The following KIF21A variants were observed in gnomAD, a reference collection of about 807,000 sequenced individuals.
The protein encoded by KIF21A is kinesin-like protein KIF21A.
A neutral mutation model predicts 202.9 loss-of-function variants in KIF21A; 114 were observed. The ratio of observed to expected loss-of-function variants is 0.56; its 90% CI spans 0.48 to 0.66. The LOEUF (loss-of-function observed/expected upper bound fraction) is 0.66. Among genes scored for constraint, KIF21A ranks in the 30% least tolerant of loss-of-function variants. KIF21A has a pLI of 0.00. For synonymous variants in KIF21A, 667 were observed against 670.8 expected, an observed-to-expected ratio of 0.99 and a Z score of 0.09; for missense variants, 1,677 against 1,994.9, an observed-to-expected ratio of 0.84 and a Z score of 3.04.
intron 1 of KIF21A, among the ~76,000 whole-genome samples, chr12:39,387,304 C>A (rs759684611): frequency 6.6e-6 from 1 of 151,884 alleles, no homozygotes; most frequent in Non-Finnish European, 1.5e-5. Flanking sequence ...GCTATCCAAC[C>A]CCAAGAAAAC....
chr12:39,404,167 A>G (rs1285839723), intron 1 of KIF21A, among the ~76,000 whole-genome samples: 1 of 152,092 alleles, frequency 6.6e-6, no homozygotes, highest in Non-Finnish European at 1.5e-5. Flanking sequence ...CTACTCTACT[A>G]CCTCCAAGTG....
intron 12 of KIF21A, among the ~76,000 whole-genome samples, chr12:39,344,010 C>T (rs1379924799): frequency 6.6e-6 from 1 of 151,954 alleles, no homozygotes; most frequent in Non-Finnish European, 1.5e-5. Flanking sequence ...GAAGAAAGTA[C>T]AAGTAGGAGT....
In KIF21A at chr12:39,421,740, T is replaced by TAC. The variant is rs1489262446; in HGVS notation, c.44+21186_44+21187insGT. On this transcript the variant is annotated intron_variant, in intron 1 of 37. Coordinates refer to ENST00000361418, the MANE Select transcript of KIF21A (RefSeq NM_001173464.2). ...TATATAATTTATATATATATATATA[T>TAC]ATACACATACACACATATATATTTA... 4.8e-3 allele frequency among the ~76,000 whole-genome samples: 647 copies of TAC among 133,436 alleles called. 4 individuals are homozygous for TAC. The highest frequency in any genetic ancestry group is 0.017 in the African/African-American group (607 of 36,730). The allele number at this position is 133,436 out of a possible 152,430, so 87.5% of individuals were successfully genotyped here.
At chr12:39,380,499 C>G (rs1337166665) in intron 1 of KIF21A, among the ~76,000 whole-genome samples, 1 of 152,154 alleles carries the variant, frequency 6.6e-6, no homozygotes, top group Non-Finnish European at 1.5e-5. Context: ...GTTGGTCAAT[C>G]GAATGACTTT....
rs1187546621 is a variant in KIF21A, at chr12:39,309,469, G to A, written c.4277+117C>T. 3 of 709,308 alleles carry A rather than the reference G, an allele frequency of 4.2e-6. No homozygotes were observed. In the East Asian group the frequency reaches 8.2e-5, roughly 19 times the overall value. 43.9% of individuals were successfully genotyped at this position (709,308 alleles called of 1,614,324 possible). A position where few individuals can be genotyped will look rare whatever the true frequency, so the allele number is the denominator to read the frequency against. On this transcript the variant is annotated intron_variant, in intron 33 of 37. Transcript: ENST00000361418. ...AACACTTTAATATCCTCTGGGAAGT[G>A]GACAGGTATACAAAAATTAAAATGC...
chr12:39,440,401 C>T (rs1939398134), intron 1 of KIF21A, among the ~76,000 whole-genome samples: 1 of 152,162 alleles, frequency 6.6e-6, no homozygotes, highest in African/African-American at 2.4e-5. Context: ...CTTAATCTTT[C>T]TGTGCCTCAT....
At chr12:39,411,014 T>C (rs765312946) in intron 1 of KIF21A, among the ~76,000 whole-genome samples, 5 of 152,140 alleles carry the variant, frequency 3.3e-5, no homozygotes, top group Admixed American at 2.0e-4. Flanking sequence ...CTGTAAAGTT[T>C]TTCCTTTTGC....
Position 39,318,217 on chromosome 12 carries a change from A to G in KIF21A, c.3780-16T>C. 1 of 1,611,814 alleles carries G rather than the reference A, an allele frequency of 6.2e-7. No homozygotes were observed. The highest frequency in any genetic ancestry group is 8.5e-7 in the Non-Finnish European group (1 of 1,178,266). On this transcript the variant is annotated splice_polypyrimidine_tract_variant and intron_variant, in intron 28 of 37. Transcript: ENST00000361418. ...AGAATCTGAGCTACAAGAAAAAAAG[A>G]ACATTAAGTAGGTGGCTTTAATTGG...
In KIF21A at chr12:39,370,326, A is replaced by C; in HGVS notation, c.45-65T>G. ...GGCAAAAAAAAACCTCTCAAAAAAT[A>C]GGACTTAAAAACTCTTGGCCAAATC... On this transcript the variant is annotated intron_variant, in intron 1 of 37. Coordinates refer to ENST00000361418, the MANE Select transcript of KIF21A (RefSeq NM_001173464.2). The C allele has an allele frequency of 3.2e-6, 4 of 1,257,454 alleles. 1 individual carries two copies. In the South Asian group the frequency reaches 5.0e-5, roughly 16 times the overall value. The allele number at this position is 1,257,454 out of a possible 1,614,324, so 77.9% of individuals were successfully genotyped here. A position where few individuals can be genotyped will look rare whatever the true frequency, so the allele number is the denominator to read the frequency against.
intron 7 of KIF21A, among the ~76,000 whole-genome samples, chr12:39,362,377 C>A (rs899085104): frequency 1.4e-4 from 21 of 152,034 alleles, no homozygotes; most frequent in African/African-American, 4.8e-4. Context: ...ATTGCAAACA[C>A]TGTAAAATAG....
chr12:39,330,159 A>T lies in KIF21A; in HGVS notation c.3340+83T>A, dbSNP rs938367231. On this transcript the variant is annotated intron_variant, in intron 24 of 37. Transcript: ENST00000361418. ...CTTGACCGCCAATAAAAATCTTTAAAATAAGATGTACCACAATTAGTGTAC... is the reference window on the plus strand; with the variant it reads ...CTTGACCGCCAATAAAAATCTTTAATATAAGATGTACCACAATTAGTGTAC... 2.2e-6 allele frequency: 3 copies of T among 1,334,246 alleles called. No individual in the cohort carries two copies. The African/African-American group carries it at 4.3e-5, about 19-fold the overall frequency. The allele number at this position is 1,334,246 out of a possible 1,614,324, so 82.7% of individuals were successfully genotyped here.
At chr12:39,354,182 G>T (rs1317826551) in intron 10 of KIF21A, among the ~76,000 whole-genome samples, 1 of 152,122 alleles carries the variant, frequency 6.6e-6, no homozygotes, top group Non-Finnish European at 1.5e-5. Flanking sequence ...TTATCATAAA[G>T]TTGGAAATAA....
chr12:39,422,010 T>A (rs1045269359), intron 1 of KIF21A, among the ~76,000 whole-genome samples: 1 of 151,854 alleles, frequency 6.6e-6, no homozygotes, highest in South Asian at 2.1e-4. Context: ...CAGGCCTGCA[T>A]GCAATGGCGC....
At chr12:39,415,125 T>G (rs1026719328) in intron 1 of KIF21A, among the ~76,000 whole-genome samples, 1 of 151,924 alleles carries the variant, frequency 6.6e-6, no homozygotes, top group East Asian at 1.9e-4. Context: ...TCAACAGAAC[T>G]GAGTTCCTGG....
At chr12:39,311,597 T>C (rs759685594) in intron 31 of KIF21A, 44 bp from the exon 32 acceptor site, 2 of 1,607,812 alleles carry the variant, frequency 1.2e-6, no homozygotes, top group Admixed American at 1.7e-5. Flanking sequence ...CACTTCAGTA[T>C]CATGAGACTA....
chr12:39,297,676 T>C (rs1032129823), intron 37 of KIF21A, among the ~76,000 whole-genome samples: 1 of 151,274 alleles, frequency 6.6e-6, no homozygotes, highest in Non-Finnish European at 1.5e-5. Flanking sequence ...GCATGGCACA[T>C]GTATACATAT....
intron 1 of KIF21A, among the ~76,000 whole-genome samples, chr12:39,398,497 A>T (rs528240415): frequency 6.6e-6 from 1 of 152,140 alleles, no homozygotes; most frequent in Non-Finnish European, 1.5e-5. Context: ...GCTACTCAGG[A>T]GGGTGAGGCA....
chr12:39,436,422 T>TATATATATATATATATA (rs1938700156), intron 1 of KIF21A, among the ~76,000 whole-genome samples: 1 of 99,116 alleles, frequency 1.0e-5, no homozygotes, highest in African/African-American at 4.5e-5. Context: ...GTTTACTATA[T>TATATATATATATATATA]TATATATATA....
chr12:39,386,750 G>C (rs996465817), intron 1 of KIF21A, among the ~76,000 whole-genome samples: 4 of 152,164 alleles, frequency 2.6e-5, no homozygotes, highest in African/African-American at 9.7e-5. Context: ...CTCTACTGAG[G>C]AAAGTCCACA....
Sources: gnomAD v4.1 joint callset for allele counts (sites outside exome capture counted in the v4.1 genomes callset) on GRCh38, gnomAD v4.1.1 for gene constraint, MANE v1.5 for transcripts, NCBI Gene and HGNC (gene_info 2026-07-23, HGNC 2026-07-21) for gene names.